SNX18: variants seen among roughly 807,000 people sequenced by gnomAD.
SNX18 encodes sorting nexin 18, also known as sorting nexin-18.
Under a neutral mutation model 48.7 loss-of-function variants are expected in SNX18, and 35 were observed. That is an observed-to-expected ratio of 0.72 (90% CI 0.55 to 0.95). SNX18 has a LOEUF of 0.95. SNX18 is among the 40% of genes least tolerant of loss of function. The pLI is 0.00. For synonymous variants in SNX18, 492 were observed against 384.7 expected (o/e 1.28, Z -3.26); for missense variants, 824 against 871.0 (o/e 0.95, Z 0.68).
the SNX18 span, among the ~76,000 whole-genome samples, chr5:54,613,759 T>A: frequency 1.3e-5 from 2 of 152,180 alleles, no homozygotes; most frequent in African/African-American, 4.8e-5. Context: ...AGTACAATGG[T>A]GCGATCTCGG....
chr5:54,557,820 A>G, the SNX18 span, among the ~76,000 whole-genome samples: 1 of 152,228 alleles, frequency 6.6e-6, no homozygotes, highest in African/African-American at 2.4e-5. Flanking sequence ...CAGTCATGGG[A>G]GAAAGTTACT....
chr5:54,579,623 G>A, the SNX18 span, among the ~76,000 whole-genome samples: 1 of 152,208 alleles, frequency 6.6e-6, no homozygotes, highest in Non-Finnish European at 1.5e-5. Flanking sequence ...GTAAGGGGAT[G>A]TGAGAGTCTA....
chr5:54,578,006 T>G, the SNX18 span, among the ~76,000 whole-genome samples: 16,689 of 152,182 alleles, frequency 0.11, 2,210 homozygotes, highest in African/African-American at 0.32. Flanking sequence ...CCCAGTTTGC[T>G]CCCAGACTGG....
At chr5:54,631,929 A>G in the SNX18 span, among the ~76,000 whole-genome samples, 1 of 152,230 alleles carries the variant, frequency 6.6e-6, no homozygotes, top group Non-Finnish European at 1.5e-5. Flanking sequence ...GGGCCAGAGC[A>G]GATTACACTA....
downstream of SNX18, among the ~76,000 whole-genome samples, chr5:54,550,329 C>T (rs529252726): frequency 6.6e-6 from 1 of 152,156 alleles, no homozygotes; most frequent in South Asian, 2.1e-4. Flanking sequence ...GCTCCTATCC[C>T]AGAATCAATG....
At chr5:54,556,403 C>T in the SNX18 span, among the ~76,000 whole-genome samples, 4 of 152,142 alleles carry the variant, frequency 2.6e-5, no homozygotes, top group Non-Finnish European at 5.9e-5. Context: ...GCTCATGGCT[C>T]CCCTCCATCT....
At chr5:54,604,030 G>A in the SNX18 span, among the ~76,000 whole-genome samples, 1 of 152,190 alleles carries the variant, frequency 6.6e-6, no homozygotes, top group Non-Finnish European at 1.5e-5. Context: ...TGTCCATTAT[G>A]TGCCAAATAT....
chr5:54,607,699 G>A, the SNX18 span, among the ~76,000 whole-genome samples: 1 of 152,138 alleles, frequency 6.6e-6, no homozygotes, highest in Non-Finnish European at 1.5e-5. Context: ...CTGGGAGGCC[G>A]AGGCAGGCGG....
At chr5:54,568,574 G>A in the SNX18 span, among the ~76,000 whole-genome samples, 1 of 152,120 alleles carries the variant, frequency 6.6e-6, no homozygotes, top group Non-Finnish European at 1.5e-5. Context: ...TCGAGCTCTG[G>A]CCTGGCCACC....
At chr5:54,573,511 G>C in the SNX18 span, among the ~76,000 whole-genome samples, 4 of 152,050 alleles carry the variant, frequency 2.6e-5, no homozygotes, top group Non-Finnish European at 4.4e-5. Flanking sequence ...CTTTTTCCTG[G>C]GGCTTTGAGT....
At chr5:54,563,846 T>C in the SNX18 span, among the ~76,000 whole-genome samples, 1 of 152,082 alleles carries the variant, frequency 6.6e-6, no homozygotes, top group Admixed American at 6.5e-5. Context: ...TGAACCCTAA[T>C]ATAACATATA....
downstream of SNX18, among the ~76,000 whole-genome samples, chr5:54,547,488 A>G (rs1346090814): frequency 2.6e-5 from 4 of 152,174 alleles, no homozygotes; most frequent in African/African-American, 2.4e-5. Flanking sequence ...CATCTTCCCA[A>G]GTCTCCACTC....
the SNX18 span, among the ~76,000 whole-genome samples, chr5:54,572,843 G>C: frequency 7.8e-6 from 1 of 127,798 alleles, no homozygotes; most frequent in African/African-American, 3.1e-5. Context: ...ACCCAAGCTG[G>C]AGTGCAGTGG....
chr5:54,573,728 C>T, the SNX18 span, among the ~76,000 whole-genome samples: 3 of 152,102 alleles, frequency 2.0e-5, no homozygotes, highest in African/African-American at 7.2e-5. Flanking sequence ...TCTGAAAAGC[C>T]ACACTTCAGG....
chr5:54,519,759 C>T (rs778679293), intron 1 of SNX18, 186 bp downstream of exon 1: 4 of 1,614,152 alleles, frequency 2.5e-6, no homozygotes, highest in Non-Finnish European at 3.4e-6. Flanking sequence ...CAGCTTCCTC[C>T]TCGAGTATCT....
rs1761934447 is a variant in SNX18, at chr5:54,518,641, A to G, written c.689A>G (p.Asn230Ser). 8 of 1,558,512 alleles carry G rather than the reference A, an allele frequency of 5.1e-6. No individual in the cohort carries two copies. Among genetic ancestry groups the G allele is most frequent in the Non-Finnish European group, 6.9e-6 (8 of 1,154,220 alleles). The change falls in exon 1 of 2, where the codon AAT becomes AGT. Residue 230 changes from asparagine to serine, a missense_variant. Physicochemically the swap from Asn to Ser is conservative, Grantham distance 46. Coordinates refer to ENST00000381410, the MANE Select transcript of SNX18 (RefSeq NM_001102575.2). Reference sequence around the variant, plus strand: ...TCGGCCACCGTGAGCCGCAACCTCAATCGCTTCTCCACCTTCGTCAAGTCC... The same window carrying G: ...TCGGCCACCGTGAGCCGCAACCTCAGTCGCTTCTCCACCTTCGTCAAGTCC... Reference protein sequence around the residue: ...KSSATVSRNLNRFSTFVKSGG... With the variant: ...KSSATVSRNLSRFSTFVKSGG...
rs1429360053 is a variant in SNX18 at position 54,545,785 on chromosome 5, A to G, written c.*2353A>G. The stretch of plus-strand genomic sequence containing the variant: ...CAAAACTACTGCAATGTTAAACCCA[A>G]GAGAAAAGCCATTATCATGTGTATG... On this transcript the variant is annotated 3_prime_UTR_variant, in exon 2 of 2. Coordinates refer to ENST00000381410, the MANE Select transcript of SNX18 (RefSeq NM_001102575.2). 1 of 152,192 alleles carries G rather than the reference A, an allele frequency of 6.6e-6. No homozygotes were observed. Among genetic ancestry groups the G allele is most frequent in the African/African-American group, 2.4e-5 (1 of 41,452 alleles). 9.4% of individuals were successfully genotyped at this position (152,192 alleles called of 1,614,324 possible). A position where few individuals can be genotyped will look rare whatever the true frequency, so the allele number is the denominator to read the frequency against.
chr5:54,590,496 G>A, the SNX18 span, among the ~76,000 whole-genome samples: 1 of 152,162 alleles, frequency 6.6e-6, no homozygotes, highest in Non-Finnish European at 1.5e-5. Flanking sequence ...CCAGATCCAT[G>A]TGATCATTGC....
the SNX18 span, among the ~76,000 whole-genome samples, chr5:54,568,253 A>G: frequency 5.3e-5 from 8 of 152,318 alleles, no homozygotes; most frequent in African/African-American, 1.4e-4. Context: ...TTTGAATACT[A>G]TGTCTCTGAA....
Sources: allele counts gnomAD v4.1 joint callset (sites outside exome capture counted in the v4.1 genomes callset), GRCh38; gene constraint gnomAD v4.1.1; transcripts MANE v1.5; gene names NCBI Gene and HGNC (gene_info 2026-07-23, HGNC 2026-07-21).